Variants in TTC28 observed in about 807,000 individuals in gnomAD.
TTC28 encodes tetratricopeptide repeat domain 28.
A neutral mutation model predicts 198.0 loss-of-function variants in TTC28; 61 were observed. The ratio of observed to expected loss-of-function variants is 0.31; its 90% CI spans 0.25 to 0.38. The LOEUF is 0.38. Among genes scored for constraint, TTC28 ranks in the 10% least tolerant of loss-of-function variants. The pLI is 1.00. For synonymous variants in TTC28, 1,171 were observed against 1,297.8 expected (o/e 0.90, Z 2.10); for missense variants, 2,678 against 3,164.0 (o/e 0.85, Z 3.69).
In TTC28 at chr22:28,568,995, A is replaced by G. The variant is rs577707661; in HGVS notation, c.381+60557T>C. ...AACCCCATCTCTACTAAAAATACAA[A>G]AATTAGACAGGCATGGTGGCGCACA... On this transcript the variant is annotated intron_variant, in intron 2 of 22. Transcript: ENST00000397906. 1.1e-4 allele frequency among the ~76,000 whole-genome samples: 16 copies of G among 151,996 alleles called. No homozygotes were observed. The South Asian group carries it at 2.9e-3, about 28-fold the overall frequency.
intron 5 of TTC28, among the ~76,000 whole-genome samples, chr22:28,248,681 C>A (rs1457238204): frequency 6.6e-6 from 1 of 152,082 alleles, no homozygotes; most frequent in Non-Finnish European, 1.5e-5. Flanking sequence ...AAATATCCTG[C>A]CCAAAATATC....
At chr22:28,453,665 T>C (rs2047817104) in intron 2 of TTC28, among the ~76,000 whole-genome samples, 2 of 152,184 alleles carry the variant, frequency 1.3e-5, no homozygotes, top group South Asian at 4.2e-4. Flanking sequence ...CTCAGCTCTC[T>C]CCCAACAAAA....
chr22:28,413,480 T>G (rs2047119269), intron 2 of TTC28, among the ~76,000 whole-genome samples: 1 of 152,152 alleles, frequency 6.6e-6, no homozygotes, highest in Non-Finnish European at 1.5e-5. Context: ...TCAACTGTAT[T>G]TTATTTTCAT....
chr22:28,579,508 G>C (rs12163301), intron 2 of TTC28, among the ~76,000 whole-genome samples: 1 of 147,484 alleles, frequency 6.8e-6, no homozygotes, highest in African/African-American at 2.5e-5. Context: ...GTTATATATA[G>C]TTATATGTAT....
rs2052062394 is a variant in TTC28 at position 28,679,692 on chromosome 22, G to C, written c.32C>G (p.Pro11Arg). 2 of 1,296,314 alleles carry C rather than the reference G, an allele frequency of 1.5e-6. No individual in the cohort carries two copies. The highest frequency in any genetic ancestry group is 1.6e-5 in the African/African-American group (1 of 64,364). 80.3% of individuals were successfully genotyped at this position (1,296,314 alleles called of 1,614,324 possible). The change falls in exon 1 of 23, where the codon CCG (proline) becomes CGG (arginine). Residue 11 changes from proline to arginine, a missense_variant. By Grantham distance (103) the Pro-to-Arg change is moderately radical (BLOSUM62 -2). Coordinates refer to ENST00000397906, the MANE Select transcript of TTC28 (RefSeq NM_001145418.2). MEQSPPPAPE[P>R]TQGPTPARSR... is the part of the protein sequence containing the mutation. ...CCTTGCGGGGGTCGGCCCTTGGGTC[G>C]GCTCGGGCGCCGGCGGCGGCGACTG...
intron 6 of TTC28, among the ~76,000 whole-genome samples, chr22:28,134,321 T>C (rs1943143930): frequency 6.6e-6 from 1 of 152,210 alleles, no homozygotes; most frequent in South Asian, 2.1e-4. Flanking sequence ...TCCAAAGGAA[T>C]GCAGCTCCTC....
At position 28,326,963 on chromosome 22, in the gene TTC28, TACACAA is replaced by T. The variant is rs1366309725; in HGVS notation, c.382-20326_382-20321del. 1.9e-3 allele frequency among the ~76,000 whole-genome samples: 221 copies of T among 114,474 alleles called. 1 individual carries two copies. Among genetic ancestry groups the T allele is most frequent in the Middle Eastern group, 0.013 (3 of 230 alleles). 75.1% of individuals were successfully genotyped at this position (114,474 alleles called of 152,430 possible). The stretch of plus-strand genomic sequence containing the variant: ...ACTTTGGACATCTCAATGAAAAGCA[TACACAA>T]ACACAAACACACACACACACACACA... On this transcript the variant is annotated intron_variant, in intron 2 of 22. Transcript: ENST00000397906.
At chr22:28,002,559 GT>G (rs1303778258) in intron 14 of TTC28, 3 of 152,256 alleles carry the variant, frequency 2.0e-5, no homozygotes, top group Admixed American at 2.0e-4. Flanking sequence ...CTAACCCAAA[GT>G]GACACATGCC....
intron 1 of TTC28, among the ~76,000 whole-genome samples, chr22:28,656,739 T>C (rs1375399841): frequency 6.6e-6 from 1 of 152,104 alleles, no homozygotes; most frequent in East Asian, 1.9e-4. Context: ...AATATCTCAT[T>C]GTTCAATTCC....
At chr22:28,621,729 C>T (rs1425449743) in intron 2 of TTC28, among the ~76,000 whole-genome samples, 39 of 106,696 alleles carry the variant, frequency 3.7e-4, no homozygotes, top group African/African-American at 1.2e-3. Context: ...GGTGACAGAG[C>T]AAGACTGTCT....
intron 12 of TTC28, among the ~76,000 whole-genome samples, chr22:28,083,593 A>T (rs1482679535): frequency 6.6e-6 from 1 of 152,236 alleles, no homozygotes; most frequent in Admixed American, 6.5e-5. Flanking sequence ...AGCGATGCAG[A>T]AGACGGGTGA....
At chr22:28,551,177 C>T (rs1344085793) in intron 2 of TTC28, among the ~76,000 whole-genome samples, 2 of 151,756 alleles carry the variant, frequency 1.3e-5, no homozygotes, top group Admixed American at 1.3e-4. Flanking sequence ...TAGATTAAAC[C>T]GGGAAGATAT....
At chr22:28,076,458 T>C (rs1242857313) in intron 12 of TTC28, among the ~76,000 whole-genome samples, 5 of 152,186 alleles carry the variant, frequency 3.3e-5, no homozygotes, top group African/African-American at 9.7e-5. Context: ...TTTTTCCCTC[T>C]TTTTGGGAAG....
intron 2 of TTC28, among the ~76,000 whole-genome samples, chr22:28,308,250 T>C (rs562665672): frequency 1.3e-5 from 2 of 152,318 alleles, no homozygotes; most frequent in South Asian, 4.1e-4. Flanking sequence ...TTCATTACCT[T>C]TTTCATTTCA....
chr22:28,108,798 A>G (rs1942401603), intron 6 of TTC28, among the ~76,000 whole-genome samples: 1 of 152,266 alleles, frequency 6.6e-6, no homozygotes, highest in African/African-American at 2.4e-5. Context: ...AGACCTGTAA[A>G]TGTTAGCAGA....
chr22:28,382,132 C>T (rs1293198890), intron 2 of TTC28, among the ~76,000 whole-genome samples: 1 of 152,140 alleles, frequency 6.6e-6, no homozygotes, highest in African/African-American at 2.4e-5. Context: ...GGGATGGGAA[C>T]AGTAGTCATG....
rs187086584 is a variant in TTC28, at chr22:28,551,685, T to C, written c.381+77867A>G. ...TCTGATAAAATCCAGCATCTCTTTATGACTAAAACCCTCAGCAAAATCAGC... is the reference window on the plus strand; with the variant it reads ...TCTGATAAAATCCAGCATCTCTTTACGACTAAAACCCTCAGCAAAATCAGC... On this transcript the variant is annotated intron_variant, in intron 2 of 22. Coordinates refer to ENST00000397906, the MANE Select transcript of TTC28 (RefSeq NM_001145418.2). 2.0e-4 allele frequency among the ~76,000 whole-genome samples: 30 copies of C among 152,332 alleles called. No individual in the cohort carries two copies. In the East Asian group the frequency reaches 5.6e-3, roughly 28 times the overall value.
chr22:28,058,057 C>T (rs985332660), intron 12 of TTC28, among the ~76,000 whole-genome samples: 1 of 151,902 alleles, frequency 6.6e-6, no homozygotes, highest in Admixed American at 6.6e-5. Context: ...CCCCAGATTG[C>T]TTTGGATATT....
chr22:28,613,886 G>C (rs910003982), intron 2 of TTC28, among the ~76,000 whole-genome samples: 12 of 152,154 alleles, frequency 7.9e-5, no homozygotes, highest in African/African-American at 2.9e-4. Flanking sequence ...ACCGGCACAA[G>C]ACAAGGATGC....
Sources: allele counts gnomAD v4.1 joint callset (sites outside exome capture counted in the v4.1 genomes callset), GRCh38; gene constraint gnomAD v4.1.1; transcripts MANE v1.5; gene names NCBI Gene and HGNC (gene_info 2026-07-23, HGNC 2026-07-21).